Variants in CSMD3 observed in about 807,000 individuals in gnomAD.
The protein encoded by CSMD3 is CUB and sushi domain-containing protein 3.
A neutral mutation model predicts 435.2 loss-of-function variants in CSMD3; 177 were observed. The observed-to-expected ratio is 0.41, with a 90% CI of 0.36 to 0.46. The LOEUF is 0.46. CSMD3 is among the 20% of genes least tolerant of loss of function. CSMD3 has a pLI of 0.34. For missense variants in CSMD3, 4,265 were observed against 4,504.6 expected, an observed-to-expected ratio of 0.95 and a Z score of 1.52; for synonymous variants, 1,656 against 1,520.5, an observed-to-expected ratio of 1.09 and a Z score of -2.07.
chr8:113,435,454 T>C (rs1265561408), intron 1 of CSMD3, among the ~76,000 whole-genome samples: 1 of 152,092 alleles, frequency 6.6e-6, no homozygotes, highest in Admixed American at 6.5e-5. Flanking sequence ...CTGCCTTCCG[T>C]GGGGGGACAG....
intron 38 of CSMD3, among the ~76,000 whole-genome samples, chr8:112,354,225 C>T (rs1204554207): frequency 2.0e-5 from 3 of 152,016 alleles, no homozygotes; most frequent in African/African-American, 7.2e-5. Flanking sequence ...ATATGACAAA[C>T]CCACAGACAA....
chr8:113,281,771 C>T (rs1220575735), intron 2 of CSMD3, among the ~76,000 whole-genome samples: 1 of 151,612 alleles, frequency 6.6e-6, no homozygotes, highest in East Asian at 1.9e-4. Flanking sequence ...TTTATAGGTC[C>T]TGTATGATTT....
intron 59 of CSMD3, among the ~76,000 whole-genome samples, chr8:112,273,933 T>C (rs1235912645): frequency 1.3e-5 from 1 of 74,874 alleles, no homozygotes; most frequent in African/African-American, 5.2e-5. Flanking sequence ...ATAGGTAACA[T>C]ACAAAAAAAA....
chr8:113,288,221 T>C (rs2093660328), intron 2 of CSMD3, among the ~76,000 whole-genome samples: 1 of 151,860 alleles, frequency 6.6e-6, no homozygotes, highest in South Asian at 2.1e-4. Flanking sequence ...TAAATAAAAA[T>C]GATGGCTGAT....
chr8:113,018,925 G>A (rs2086577095), intron 6 of CSMD3, 142 bp downstream of exon 6: 2 of 683,440 alleles, frequency 2.9e-6, no homozygotes, highest in Admixed American at 2.2e-5. Context: ...TCACATTATT[G>A]TCTCAGCAAC....
intron 15 of CSMD3, 112 bp from the exon 16 acceptor site, chr8:112,682,748 G>T: frequency 1.2e-6 from 1 of 806,048 alleles, no homozygotes; most frequent in Non-Finnish European, 2.1e-6. Context: ...AAAAGGTTGT[G>T]TTTATTTCTA....
chr8:112,939,252 A>G lies in CSMD3; in HGVS notation c.1508+8538T>C, dbSNP rs73702262. ...GAAGATTACTAATGAATGAGATAGA[A>G]GTGGCATCAGTGTTGGAATGGATGT... On this transcript the variant is annotated intron_variant, in intron 9 of 70. Transcript: ENST00000297405. Among the ~76,000 whole-genome samples, 1,319 of 152,202 alleles carry G rather than the reference A, an allele frequency of 8.7e-3. 23 individuals are homozygous for G. Among genetic ancestry groups the G allele is most frequent in the African/African-American group, 0.03 (1,258 of 41,548 alleles).
At chr8:112,404,602 G>A (rs1225346921) in intron 35 of CSMD3, among the ~76,000 whole-genome samples, 1 of 151,720 alleles carries the variant, frequency 6.6e-6, no homozygotes, top group Non-Finnish European at 1.5e-5. Context: ...AGAAATGAAT[G>A]TACCTTCTAT....
chr8:112,691,882 C>T (rs147994894), intron 13 of CSMD3, among the ~76,000 whole-genome samples: 37 of 152,072 alleles, frequency 2.4e-4, no homozygotes, highest in Non-Finnish European at 4.0e-4. Context: ...CTCATTGTAA[C>T]CTATGCCTCC....
In CSMD3 at chr8:113,307,940, A is replaced by G. The variant is rs550833423; in HGVS notation, c.401+6631T>C. On this transcript the variant is annotated intron_variant, in intron 2 of 70. Coordinates refer to ENST00000297405, the MANE Select transcript of CSMD3 (RefSeq NM_198123.2). ...TTTTTTCTTATGATATTAAATCTAT[A>G]TCTACCTAATAACCAAACATTTTGA... Among the ~76,000 whole-genome samples, 261 of 152,282 alleles carry G rather than the reference A, an allele frequency of 1.7e-3. 1 individual carries two copies. The highest frequency in any genetic ancestry group is 0.011 in the South Asian group (55 of 4,834).
At chr8:112,604,957 A>T (rs1212796286) in intron 22 of CSMD3, among the ~76,000 whole-genome samples, 1 of 151,842 alleles carries the variant, frequency 6.6e-6, no homozygotes, top group Non-Finnish European at 1.5e-5. Context: ...AACCTTATTA[A>T]AATATGGGCA....
At chr8:112,995,025 C>T (rs1380738929) in intron 6 of CSMD3, among the ~76,000 whole-genome samples, 2 of 151,272 alleles carry the variant, frequency 1.3e-5, no homozygotes, top group Non-Finnish European at 3.0e-5. Context: ...TGTACTCATT[C>T]TATAAAACAT....
At chr8:113,156,724 A>T (rs1206819833) in intron 4 of CSMD3, among the ~76,000 whole-genome samples, 1 of 147,942 alleles carries the variant, frequency 6.8e-6, no homozygotes, top group Non-Finnish European at 1.5e-5. Context: ...AACATGGCAA[A>T]ATCTCACCTA....
intron 12 of CSMD3, among the ~76,000 whole-genome samples, chr8:112,827,526 T>C (rs543840903): frequency 2.2e-3 from 330 of 152,252 alleles, no homozygotes; most frequent in Admixed American, 3.3e-3. Flanking sequence ...CAAATACATG[T>C]TTTACAATTT....
chr8:113,171,434 T>C (rs1181049005), intron 4 of CSMD3, among the ~76,000 whole-genome samples: 1 of 152,126 alleles, frequency 6.6e-6, no homozygotes, highest in African/African-American at 2.4e-5. Context: ...TTTCAGGCAG[T>C]GTTGAGAATG....
rs1415296884 is a variant in CSMD3, at chr8:113,173,822, G to T, written c.609C>A (p.Ser203Arg). 6.2e-7 allele frequency: 1 copy of T among 1,613,644 alleles called. No homozygotes were observed. The highest frequency in any genetic ancestry group is 1.7e-4 in the Middle Eastern group (1 of 6,058). The change falls in exon 4 of 71, where the codon AGC becomes AGA. Residue 203 changes from serine (S) to arginine (R), a missense_variant. By Grantham distance (110) the Ser-to-Arg change is moderately radical. Transcript: ENST00000297405. ...CATCAAGGATGTATCCAGTTACACAGCTGTAGCGGATCTTGTCCCCGACGT... is the reference window on the plus strand; with the variant it reads ...CATCAAGGATGTATCCAGTTACACATCTGTAGCGGATCTTGTCCCCGACGT... ...RFDVGDKIRYSCVTGYILDGH... is the reference protein window; with the variant it reads ...RFDVGDKIRYRCVTGYILDGH...
chr8:112,744,088 T>C (rs1211922878), intron 13 of CSMD3, among the ~76,000 whole-genome samples: 1 of 152,076 alleles, frequency 6.6e-6, no homozygotes, highest in East Asian at 1.9e-4. Flanking sequence ...TAAAAAGGAA[T>C]GAACATTTAA....
chr8:112,622,846 G>A (rs543592544), intron 22 of CSMD3, among the ~76,000 whole-genome samples: 1 of 152,146 alleles, frequency 6.6e-6, no homozygotes, highest in Non-Finnish European at 1.5e-5. Flanking sequence ...TTAGCATAGT[G>A]CCTAATCATC....
intron 24 of CSMD3, among the ~76,000 whole-genome samples, chr8:112,571,649 G>A (rs1205518568): frequency 1.3e-5 from 2 of 151,638 alleles, no homozygotes; most frequent in Non-Finnish European, 2.9e-5. Context: ...TGGGAGGATC[G>A]CCTGAGGTCA....
Sources: gnomAD v4.1 joint callset for allele counts (sites outside exome capture counted in the v4.1 genomes callset) on GRCh38, gnomAD v4.1.1 for gene constraint, MANE v1.5 for transcripts, NCBI Gene and HGNC (gene_info 2026-07-23, HGNC 2026-07-21) for gene names.